PTPN3: variants seen among roughly 807,000 people sequenced by gnomAD.
The protein encoded by PTPN3 is protein tyrosine phosphatase non-receptor type 3.
A neutral mutation model predicts 132.7 loss-of-function variants in PTPN3; 96 were observed. The ratio of observed to expected loss-of-function variants is 0.72; its 90% CI spans 0.61 to 0.86. PTPN3 has a LOEUF of 0.86. Ranked by LOEUF, PTPN3 falls within the 40% of genes least tolerant of loss-of-function variation. The pLI is 0.00. For missense variants in PTPN3, 1,125 were observed against 1,159.6 expected, an observed-to-expected ratio of 0.97 and a Z score of 0.43; for synonymous variants, 398 against 429.0, an observed-to-expected ratio of 0.93 and a Z score of 0.89.
chr9:109,459,899 A>G (rs1845755564), intron 2 of PTPN3, among the ~76,000 whole-genome samples: 1 of 151,712 alleles, frequency 6.6e-6, no homozygotes, highest in Admixed American at 6.6e-5. Flanking sequence ...ACCCTTAAGC[A>G]CCGTTCGCAG....
Position 109,437,127 on chromosome 9 carries a change from C to T in PTPN3, c.588-157G>A, listed in dbSNP as rs571922945. 1.3e-3 allele frequency among the ~76,000 whole-genome samples: 201 copies of T among 151,914 alleles called. 1 individual carries two copies. In the South Asian group the frequency reaches 0.017, roughly 13 times the overall value. On this transcript the variant is annotated intron_variant, in intron 8 of 25. Coordinates refer to ENST00000374541, the MANE Select transcript of PTPN3 (RefSeq NM_002829.4). The stretch of plus-strand genomic sequence containing the variant: ...AATCTAATGCTAAATTCTACTAAAG[C>T]AAGTTTTTATTCTTATCCATTGAAT...
intron 1 of PTPN3, among the ~76,000 whole-genome samples, chr9:109,466,421 TGAGCCCAGGCATTA>T (rs1329900130): frequency 6.6e-6 from 1 of 152,162 alleles, no homozygotes; most frequent in African/African-American, 2.4e-5. Context: ...GAGGACTGTT[TGAGCCCAGGCATTA>T]GAGCCCAGCC....
chr9:109,379,589 T>C lies in PTPN3; in HGVS notation c.2709A>G (p.Glu903=), dbSNP rs1273312918. Residue 903 remains glutamate (E), a synonymous_variant, in exon 26 of 26, where the codon GAA becomes GAG. Coordinates refer to ENST00000374541, the MANE Select transcript of PTPN3 (RefSeq NM_002829.4). ...FVCEAILRVY[E]EGLVQMLDPS ...GATCCAGCATTTGGACTAAACCTTC[T>C]TCATACACACGAAGAATCGCTTCAC... 5 of 1,614,160 alleles carry C rather than the reference T, an allele frequency of 3.1e-6. No homozygotes were observed. The highest frequency in any genetic ancestry group is 4.2e-6 in the Non-Finnish European group (5 of 1,180,006).
rs1420880360 is a variant in PTPN3, at chr9:109,495,623, G to C, written c.-18+2596C>G. Among the ~76,000 whole-genome samples the C allele has an allele frequency of 2.6e-5, 4 of 152,296 alleles. No homozygotes were observed. In the East Asian group the frequency reaches 7.7e-4, roughly 29 times the overall value. On this transcript the variant is annotated intron_variant, in intron 1 of 25. Coordinates refer to ENST00000374541, the MANE Select transcript of PTPN3 (RefSeq NM_002829.4). ...ACCCCACTGTGTGTGAAACCTTCCAGTTCACAGCCAACAAAGCGTTGCTCT... is the reference window on the plus strand; with the variant it reads ...ACCCCACTGTGTGTGAAACCTTCCACTTCACAGCCAACAAAGCGTTGCTCT...
At chr9:109,507,227 A>T in the PTPN3 span, among the ~76,000 whole-genome samples, 1 of 152,248 alleles carries the variant, frequency 6.6e-6, no homozygotes, top group Non-Finnish European at 1.5e-5. Context: ...GGTTTTGGTG[A>T]CCCAGGGATC....
chr9:109,451,299 G>A, intron 5 of PTPN3: 1 of 984,986 alleles, frequency 1.0e-6, no homozygotes, highest in Non-Finnish European at 1.2e-6. Flanking sequence ...CTCCCACCAT[G>A]GCTCCTGTTG....
Position 109,377,457 on chromosome 9 carries a change from C to CACACACACACACAA in PTPN3, c.*2098_*2099insTTGTGTGTGTGTGT, listed in dbSNP as rs1422644975. On this transcript the variant is annotated 3_prime_UTR_variant, in exon 26 of 26. Coordinates refer to ENST00000374541, the MANE Select transcript of PTPN3 (RefSeq NM_002829.4). Reference sequence around the variant, plus strand: ...ACACACACACACACACACACACACACAAGCCAGGTGAGGTGGCATGTGCCT... The same window carrying CACACACACACACAA: ...ACACACACACACACACACACACACACACACACACACACAAAAGCCAGGTGAGGTGGCATGTGCCT... 1 of 131,150 alleles carries CACACACACACACAA rather than the reference C, an allele frequency of 7.6e-6. No homozygotes were observed. Among genetic ancestry groups the CACACACACACACAA allele is most frequent in the Non-Finnish European group, 1.6e-5 (1 of 62,798 alleles). 8.1% of individuals were successfully genotyped at this position (131,150 alleles called of 1,614,324 possible).
intron 1 of PTPN3, among the ~76,000 whole-genome samples, chr9:109,487,877 T>TA: frequency 6.6e-6 from 1 of 152,328 alleles, no homozygotes; most frequent in South Asian, 2.1e-4. Context: ...GAGACATGGG[T>TA]ACCAGTTCCT....
chr9:109,500,822 G>A (rs1247949328), upstream of PTPN3, among the ~76,000 whole-genome samples: 2 of 151,666 alleles, frequency 1.3e-5, no homozygotes, highest in South Asian at 4.2e-4. Context: ...AGCTACATGG[G>A]AGGCTGAGGT....
At chr9:109,510,503 A>G in the PTPN3 span, among the ~76,000 whole-genome samples, 1 of 148,048 alleles carries the variant, frequency 6.8e-6, no homozygotes, top group Admixed American at 6.8e-5. Flanking sequence ...GGTTGCATTG[A>G]GCCGAGATTG....
chr9:109,388,121 A>G (rs545671228), intron 22 of PTPN3, among the ~76,000 whole-genome samples: 1 of 152,282 alleles, frequency 6.6e-6, no homozygotes, highest in South Asian at 2.1e-4. Context: ...AACAAATGGG[A>G]GATGCTGAAA....
upstream of PTPN3, among the ~76,000 whole-genome samples, chr9:109,500,638 C>T (rs1847851592): frequency 6.7e-6 from 1 of 149,728 alleles, no homozygotes; most frequent in Admixed American, 6.6e-5. Context: ...AAAAAAAAAC[C>T]GCAGAAAACA....
the PTPN3 span, among the ~76,000 whole-genome samples, chr9:109,510,377 G>A: frequency 2.0e-5 from 3 of 151,458 alleles, no homozygotes; most frequent in Admixed American, 2.0e-4. Flanking sequence ...TGACCAACAT[G>A]GAGAAACCCT....
At chr9:109,413,244 G>A (rs1020525106) in intron 14 of PTPN3, among the ~76,000 whole-genome samples, 3 of 151,984 alleles carry the variant, frequency 2.0e-5, no homozygotes, top group Admixed American at 6.5e-5. Context: ...ATGAGCCACC[G>A]TGCCCGGCCT....
At chr9:109,453,350 T>C (rs1281251193) in intron 5 of PTPN3, among the ~76,000 whole-genome samples, 1 of 152,222 alleles carries the variant, frequency 6.6e-6, no homozygotes, top group Non-Finnish European at 1.5e-5. Context: ...ATACTAAGCA[T>C]CTATTGCTTT....
chr9:109,484,504 G>A (rs1032772928), intron 1 of PTPN3, among the ~76,000 whole-genome samples: 1 of 152,218 alleles, frequency 6.6e-6, no homozygotes, highest in African/African-American at 2.4e-5. Context: ...ATCTGAATCT[G>A]AAGTGAGGAA....
chr9:109,476,753 T>C (rs973038958), intron 1 of PTPN3, among the ~76,000 whole-genome samples: 1 of 152,286 alleles, frequency 6.6e-6, no homozygotes, highest in East Asian at 1.9e-4. Context: ...TGAATAACTA[T>C]AGGGAGCAGA....
At chr9:109,473,778 T>C (rs918293060) in intron 1 of PTPN3, among the ~76,000 whole-genome samples, 1 of 152,168 alleles carries the variant, frequency 6.6e-6, no homozygotes, top group Non-Finnish European at 1.5e-5. Context: ...ATGCTAAATA[T>C]AGTGCTCCCC....
chr9:109,498,737 G>A (rs796131417), upstream of PTPN3, among the ~76,000 whole-genome samples: 7 of 152,208 alleles, frequency 4.6e-5, no homozygotes, highest in African/African-American at 1.2e-4. The surrounding 1 kb of genome is among the most constrained non-coding windows in gnomAD (Gnocchi z 4.2). Context: ...AAGGCTCGTG[G>A]GACCCCTACC....
Sources: allele counts gnomAD v4.1 joint callset (sites outside exome capture counted in the v4.1 genomes callset), GRCh38; gene constraint gnomAD v4.1.1; non-coding constraint Gnocchi (gnomAD v3.1); transcripts MANE v1.5; gene names NCBI Gene and HGNC (gene_info 2026-07-23, HGNC 2026-07-21).